Variants in CEP57L1 observed in about 807,000 individuals in gnomAD.
The protein encoded by CEP57L1 is centrosomal protein 57 like 1, also known as centrosomal protein CEP57L1.
Under a neutral mutation model 61.0 loss-of-function variants are expected in CEP57L1, and 37 were observed. The observed-to-expected ratio is 0.61, with a 90% CI of 0.47 to 0.80. The LOEUF is 0.80. CEP57L1 is among the 30% of genes least tolerant of loss of function. The pLI is 0.00. For missense variants in CEP57L1, 422 were observed against 524.7 expected (o/e 0.80, Z 1.91); for synonymous variants, 137 against 162.3 (o/e 0.84, Z 1.19).
intron 1 of CEP57L1, among the ~76,000 whole-genome samples, chr6:109,143,056 A>G (rs968126401): frequency 1.4e-5 from 2 of 146,932 alleles, no homozygotes; most frequent in Non-Finnish European, 3.0e-5. Flanking sequence ...CTGTGTTAGC[A>G]ATCTGACTCC....
intron 1 of CEP57L1, among the ~76,000 whole-genome samples, chr6:109,114,693 A>G (rs1038405568): frequency 2.0e-5 from 3 of 152,160 alleles, no homozygotes; most frequent in Non-Finnish European, 4.4e-5. Flanking sequence ...GGGGATGGGA[A>G]GAGAGGTGGG....
At chr6:109,098,116 G>A (rs1306077480) in intron 1 of CEP57L1, among the ~76,000 whole-genome samples, 1 of 152,064 alleles carries the variant, frequency 6.6e-6, no homozygotes, top group Admixed American at 6.5e-5. Context: ...TTTAAAAAAT[G>A]ACTACTTTTC....
At chr6:109,149,588 A>C (rs1458802490) in intron 3 of CEP57L1, among the ~76,000 whole-genome samples, 2 of 151,848 alleles carry the variant, frequency 1.3e-5, no homozygotes, top group Middle Eastern at 3.2e-3. Flanking sequence ...CTTAGGATTG[A>C]CTTGGCAATG....
At position 109,168,011 on chromosome 6, in the gene CEP57L1, G is replaced by C. The variant is rs547730420; in HGVS notation, c.*5041G>C. ...AAGAAAACAGTAAGTGACATGAAAG[G>C]CATAATGACAACCACAGAGCAGATG... On this transcript the variant is annotated 3_prime_UTR_variant, in exon 11 of 11. Coordinates refer to ENST00000517392, the MANE Select transcript of CEP57L1 (RefSeq NM_001271852.3). Among the ~76,000 whole-genome samples the C allele has an allele frequency of 2.6e-5, 4 of 152,302 alleles. No homozygotes were observed. The highest frequency in any genetic ancestry group is 9.6e-5 in the African/African-American group (4 of 41,570).
intron 1 of CEP57L1, among the ~76,000 whole-genome samples, chr6:109,107,202 A>C (rs1352316752): frequency 1.3e-5 from 2 of 152,158 alleles, no homozygotes; most frequent in Non-Finnish European, 2.9e-5. Context: ...TGATTTTCTT[A>C]ATCATTTTAA....
Position 109,166,960 on chromosome 6 carries a change from C to T in CEP57L1, c.*3990C>T, listed in dbSNP as rs1336029072. Among the ~76,000 whole-genome samples, 1 of 152,192 alleles carries T rather than the reference C, an allele frequency of 6.6e-6. No individual in the cohort carries two copies. The highest frequency in any genetic ancestry group is 2.4e-5 in the African/African-American group (1 of 41,442). On this transcript the variant is annotated 3_prime_UTR_variant, in exon 11 of 11. Transcript: ENST00000517392. ...GTGTAGATAAGTATAAGCTGACACTCAGACATATGACAAGACAACCTTCAC... is the reference window on the plus strand; with the variant it reads ...GTGTAGATAAGTATAAGCTGACACTTAGACATATGACAAGACAACCTTCAC...
chr6:109,154,534 A>G (rs1029361826), intron 5 of CEP57L1, among the ~76,000 whole-genome samples: 1 of 151,932 alleles, frequency 6.6e-6, no homozygotes, highest in African/African-American at 2.4e-5. Flanking sequence ...TTTTCTTTTC[A>G]TACAATACAG....
chr6:109,158,994 T>A (rs956701069), intron 7 of CEP57L1, 31 bp from the exon 8 acceptor site: 2 of 1,580,256 alleles, frequency 1.3e-6, no homozygotes, highest in Admixed American at 1.9e-5. Flanking sequence ...AAATAATTTC[T>A]TGTTTACGTT....
At position 109,145,293 on chromosome 6, in the gene CEP57L1, A is replaced by T. The variant is rs1771839357; in HGVS notation, c.72A>T (p.Ser24=). Residue 24 remains serine, a synonymous_variant, in exon 2 of 11, where the codon TCA becomes TCT. Coordinates refer to ENST00000517392, the MANE Select transcript of CEP57L1 (RefSeq NM_001271852.3). ...HKPPERVFVP[S]FTQNEPSQNC... is the part of the protein sequence containing the mutation. Reference sequence around the variant, plus strand: ...CTCCAGAAAGAGTATTTGTTCCCTCATTCACCCAGAATGAACCATCTCAGA... The same window carrying T: ...CTCCAGAAAGAGTATTTGTTCCCTCTTTCACCCAGAATGAACCATCTCAGA... The T allele has an allele frequency of 6.2e-7, 1 of 1,609,150 alleles. No homozygotes were observed. Among genetic ancestry groups the T allele is most frequent in the South Asian group, 1.1e-5 (1 of 90,774 alleles).
intron 1 of CEP57L1, among the ~76,000 whole-genome samples, chr6:109,126,403 T>C (rs1205193811): frequency 2.0e-5 from 3 of 152,330 alleles, no homozygotes; most frequent in East Asian, 3.9e-4. Flanking sequence ...TTGTGGACAA[T>C]GTTTTAGAAG....
rs970882750 is a variant in CEP57L1 at position 109,174,180 on chromosome 6, C to T, written c.*11210C>T. Among the ~76,000 whole-genome samples the T allele has an allele frequency of 6.6e-6, 1 of 151,476 alleles. No individual in the cohort carries two copies. Among genetic ancestry groups the T allele is most frequent in the Non-Finnish European group, 1.5e-5 (1 of 67,938 alleles). Reference sequence around the variant, plus strand: ...GATAGGGCCTAATGGATATAAATTACAGTGTCTAAGATGGATACTTTACTC... The same window carrying T: ...GATAGGGCCTAATGGATATAAATTATAGTGTCTAAGATGGATACTTTACTC... On this transcript the variant is annotated 3_prime_UTR_variant, in exon 11 of 11. Coordinates refer to ENST00000517392, the MANE Select transcript of CEP57L1 (RefSeq NM_001271852.3).
At chr6:109,150,577 G>A (rs1173665113) in intron 4 of CEP57L1, among the ~76,000 whole-genome samples, 8 of 151,444 alleles carry the variant, frequency 5.3e-5, no homozygotes, top group South Asian at 2.1e-4. Context: ...CAGGAGAATC[G>A]CTTGAACCCG....
chr6:109,102,262 T>G (rs1457292977), intron 1 of CEP57L1, among the ~76,000 whole-genome samples: 1 of 152,014 alleles, frequency 6.6e-6, no homozygotes, highest in Non-Finnish European at 1.5e-5. Context: ...CAGTGTTGCT[T>G]TCATAGATCA....
In CEP57L1 at chr6:109,150,148, C is replaced by T; in HGVS notation, c.371C>T (p.Ser124Phe). Residue 124 changes from serine (S) to phenylalanine (F), a missense_variant, in exon 4 of 11, where the codon TCT (serine) becomes TTT (phenylalanine). Physicochemically the swap from Ser to Phe is radical, Grantham distance 155. Transcript: ENST00000517392. ...DISIQLSSAQ[S>F]RCTLLEKQLE... The stretch of plus-strand genomic sequence containing the variant: ...AGTATACAGTTAAGCTCAGCCCAGT[C>T]TCGTTGTACTCTTCTAGAGAAGCAA... The T allele has an allele frequency of 3.1e-6, 5 of 1,608,866 alleles. No individual in the cohort carries two copies. Among genetic ancestry groups the T allele is most frequent in the Non-Finnish European group, 4.3e-6 (5 of 1,175,660 alleles).
rs1401582679 is a variant in CEP57L1 at position 109,165,961 on chromosome 6, A to G, written c.*2991A>G. ...TTTTTATGTAATTAGAAATTGAAAT[A>G]ATGGAATTGGAATTTTCTAGCCAAG... On this transcript the variant is annotated 3_prime_UTR_variant, in exon 11 of 11. Transcript: ENST00000517392. 2 of 152,240 alleles carry G rather than the reference A, an allele frequency of 1.3e-5. No individual in the cohort carries two copies. The highest frequency in any genetic ancestry group is 4.8e-5 in the African/African-American group (2 of 41,460). 9.4% of individuals were successfully genotyped at this position (152,240 alleles called of 1,614,324 possible). A position where few individuals can be genotyped will look rare whatever the true frequency, so the allele number is the denominator to read the frequency against.
chr6:109,120,409 A>G (rs1401688378), intron 1 of CEP57L1, among the ~76,000 whole-genome samples: 2 of 152,212 alleles, frequency 1.3e-5, no homozygotes, highest in African/African-American at 4.8e-5. Context: ...AGTCTCCAAA[A>G]GAAAAGTGCT....
In CEP57L1 at chr6:109,165,435, G is replaced by C. The variant is rs1445181855; in HGVS notation, c.*2465G>C. Among the ~76,000 whole-genome samples, 1 of 149,614 alleles carries C rather than the reference G, an allele frequency of 6.7e-6. No individual in the cohort carries two copies. The highest frequency in any genetic ancestry group is 6.7e-5 in the Admixed American group (1 of 15,018). ...GTGGCAAAAAAAAAAAAAAAATGTAGAACACATGTTTGCATGGGTTGAAGC... is the reference window on the plus strand; with the variant it reads ...GTGGCAAAAAAAAAAAAAAAATGTACAACACATGTTTGCATGGGTTGAAGC... On this transcript the variant is annotated 3_prime_UTR_variant, in exon 11 of 11. Transcript: ENST00000517392.
intron 1 of CEP57L1, among the ~76,000 whole-genome samples, chr6:109,096,658 A>G (rs917455498): frequency 6.6e-6 from 1 of 152,234 alleles, no homozygotes; most frequent in Non-Finnish European, 1.5e-5. Flanking sequence ...GAATAGATGC[A>G]TAGTTCTGAT....
intron 1 of CEP57L1, among the ~76,000 whole-genome samples, chr6:109,098,470 T>A (rs1781981085): frequency 6.6e-6 from 1 of 152,092 alleles, no homozygotes; most frequent in Non-Finnish European, 1.5e-5. Context: ...TGAGACAGAA[T>A]CTGACTATGT....
Sources: gnomAD v4.1 joint callset for allele counts (sites outside exome capture counted in the v4.1 genomes callset) on GRCh38, gnomAD v4.1.1 for gene constraint, MANE v1.5 for transcripts, NCBI Gene and HGNC (gene_info 2026-07-23, HGNC 2026-07-21) for gene names.